The following BPIFC variants were observed in gnomAD, a reference collection of about 807,000 sequenced individuals.
BPIFC encodes BPI fold-containing family C protein.
A neutral mutation model predicts 57.6 loss-of-function variants in BPIFC; 60 were observed. The observed-to-expected ratio is 1.04, with a 90% CI of 0.85 to 1.29. The LOEUF (loss-of-function observed/expected upper bound fraction) is 1.29. Among genes scored for constraint, BPIFC ranks in the 50% most tolerant of loss-of-function variants. BPIFC has a pLI of 0.00. For missense variants in BPIFC, 581 were observed against 600.5 expected, an observed-to-expected ratio of 0.97 and a Z score of 0.34; for synonymous variants, 243 against 224.5, an observed-to-expected ratio of 1.08 and a Z score of -0.74.
At chr22:32,447,455 C>G in intron 4 of BPIFC, 115 bp from the exon 5 acceptor site, 1 of 1,256,762 alleles carries the variant, frequency 8.0e-7, no homozygotes, top group Non-Finnish European at 1.1e-6. Flanking sequence ...TGAACTCCTA[C>G]AGAGAAAAGA....
chr22:32,431,283 T>C, intron 13 of BPIFC, 64 bp downstream of exon 13: 1 of 1,376,668 alleles, frequency 7.3e-7, no homozygotes, highest in Non-Finnish European at 1.0e-6. Flanking sequence ...ATGGTCACTT[T>C]GTCTCTGATC....
At chr22:32,433,812 C>T (rs761756260) in intron 10 of BPIFC, 40 bp from the exon 11 acceptor site, 23 of 1,545,646 alleles carry the variant, frequency 1.5e-5, no homozygotes, top group African/African-American at 8.1e-5. Flanking sequence ...TAGGATTTTA[C>T]GTGGATTGTC....
chr22:32,446,186 T>C (rs1424363959), intron 5 of BPIFC, among the ~76,000 whole-genome samples, 190 bp from the exon 6 acceptor site: 1 of 152,170 alleles, frequency 6.6e-6, no homozygotes, highest in Non-Finnish European at 1.5e-5. Context: ...ACAGACGAAG[T>C]ACTGAATATG....
intron 4 of BPIFC, among the ~76,000 whole-genome samples, chr22:32,451,142 C>G (rs1934885230): frequency 6.6e-6 from 1 of 152,206 alleles, no homozygotes; most frequent in South Asian, 2.1e-4. Context: ...TCCACCCTGT[C>G]TAGCAATGCA....
At chr22:32,451,212 T>C (rs1003086323) in intron 4 of BPIFC, among the ~76,000 whole-genome samples, 4 of 152,210 alleles carry the variant, frequency 2.6e-5, no homozygotes, top group African/African-American at 9.6e-5. Flanking sequence ...CTCATCATTT[T>C]TTATGGCTGC....
chr22:32,446,236 C>T (rs1336079712), intron 5 of BPIFC, among the ~76,000 whole-genome samples: 1 of 152,148 alleles, frequency 6.6e-6, no homozygotes, highest in Non-Finnish European at 1.5e-5. Context: ...ATTATTTCAC[C>T]CTGAGTGCTC....
chr22:32,426,900 A>G (rs1934083903), intron 13 of BPIFC, among the ~76,000 whole-genome samples: 1 of 123,568 alleles, frequency 8.1e-6, no homozygotes, highest in Non-Finnish European at 1.7e-5. Context: ...TGAAAAAAAA[A>G]AAAGAAAGAA....
intron 8 of BPIFC, among the ~76,000 whole-genome samples, chr22:32,439,595 A>T (rs12166079): frequency 1.7e-4 from 26 of 149,348 alleles, no homozygotes; most frequent in Non-Finnish European, 2.8e-4. Flanking sequence ...ATCCTAAGCC[A>T]CCATAGTTTT....
At chr22:32,417,172 T>C in intron 14 of BPIFC, 24 bp from the exon 15 acceptor site, 2 of 1,288,928 alleles carry the variant, frequency 1.6e-6, no homozygotes, top group Non-Finnish European at 2.2e-6. Context: ...GGAAATAGAA[T>C]CAATTGGCAG....
At chr22:32,451,343 T>A (rs1934890742) in intron 4 of BPIFC, among the ~76,000 whole-genome samples, 1 of 152,220 alleles carries the variant, frequency 6.6e-6, no homozygotes, top group African/African-American at 2.4e-5. Flanking sequence ...TACGTGTGCA[T>A]GTGTCTTTAC....
At chr22:32,434,427 T>C (rs896820209) in intron 10 of BPIFC, among the ~76,000 whole-genome samples, 2 of 149,394 alleles carry the variant, frequency 1.3e-5, no homozygotes, top group Non-Finnish European at 3.0e-5. Context: ...TATATTACAA[T>C]CTATGTATAC....
intron 2 of BPIFC, among the ~76,000 whole-genome samples, chr22:32,457,961 C>A (rs5998498): frequency 0.25 from 38,394 of 151,974 alleles, 5,011 homozygotes; most frequent in Middle Eastern, 0.31. Flanking sequence ...TTTGTGATAG[C>A]CTCCTTACTG....
In BPIFC at chr22:32,417,230, C is replaced by T. The variant is rs1933707634; in HGVS notation, c.1261-82G>A. The T allele has an allele frequency of 3.9e-5, 39 of 997,668 alleles. No individual in the cohort carries two copies. The South Asian group carries it at 5.2e-4, about 13-fold the overall frequency. The allele number at this position is 997,668 out of a possible 1,614,324, so 61.8% of individuals were successfully genotyped here. A position where few individuals can be genotyped will look rare whatever the true frequency, so the allele number is the denominator to read the frequency against. ...TTGCTTTGTTACCCAGGCTGGAGTG[C>T]AGTAGTGTGATCATGGCTCTCTCCA... On this transcript the variant is annotated intron_variant, in intron 14 of 16. Transcript: ENST00000300399.
chr22:32,453,603 C>G (rs545837296), intron 3 of BPIFC, 100 bp from the exon 4 acceptor site: 1 of 1,348,236 alleles, frequency 7.4e-7, no homozygotes, highest in East Asian at 2.6e-5. Context: ...GAGACATGCC[C>G]TTAGATACTT....
chr22:32,430,590 A>G (rs1006958040), intron 13 of BPIFC, among the ~76,000 whole-genome samples: 4 of 148,500 alleles, frequency 2.7e-5, no homozygotes, highest in African/African-American at 9.8e-5. Context: ...GTAATATTTT[A>G]TGTATTTAAT....
chr22:32,431,439 A>ATTTATTTATTTTTTTTTATTTT, intron 12 of BPIFC, 25 bp from the exon 13 acceptor site: 1 of 1,343,076 alleles, frequency 7.4e-7, no homozygotes, highest in Non-Finnish European at 1.1e-6. Context: ...AGCATTTATT[A>ATTTATTTATTTTTTTTTATTTT]TTAAGACGAG....
chr22:32,436,393 A>AGG (rs1473673716), intron 9 of BPIFC, among the ~76,000 whole-genome samples: 3 of 140,242 alleles, frequency 2.1e-5, no homozygotes, highest in Non-Finnish European at 3.1e-5. Context: ...GAGGAGGAGG[A>AGG]AGAGGAGGAG....
At chr22:32,419,277 A>C in intron 14 of BPIFC, 85 bp downstream of exon 14, 6 of 1,416,190 alleles carry the variant, frequency 4.2e-6, no homozygotes, top group Non-Finnish European at 5.8e-6. Flanking sequence ...TCCAAGTCAC[A>C]GAAAACAATT....
chr22:32,430,634 A>G (rs966672998), intron 13 of BPIFC, among the ~76,000 whole-genome samples: 2 of 150,068 alleles, frequency 1.3e-5, no homozygotes, highest in African/African-American at 4.9e-5. Context: ...AATATAAAAT[A>G]TGTGAGAGAG....
Sources: gnomAD v4.1 joint callset for allele counts (sites outside exome capture counted in the v4.1 genomes callset) on GRCh38, gnomAD v4.1.1 for gene constraint, MANE v1.5 for transcripts, NCBI Gene and HGNC (gene_info 2026-07-23, HGNC 2026-07-21) for gene names.